Variants in MYO5B observed in about 807,000 individuals in gnomAD.
MYO5B encodes myosin VB, also known as unconventional myosin-Vb.
A neutral mutation model predicts 229.3 loss-of-function variants in MYO5B; 143 were observed. The observed-to-expected ratio is 0.62, with a 90% CI of 0.54 to 0.72. The LOEUF is 0.72. Among genes scored for constraint, MYO5B ranks in the 30% least tolerant of loss-of-function variants. MYO5B has a pLI of 0.00. For synonymous variants in MYO5B, 918 were observed against 885.2 expected (o/e 1.04, Z -0.66); for missense variants, 2,321 against 2,331.0 (o/e 1.00, Z 0.09).
At position 49,823,869 on chromosome 18, in the gene MYO5B, A is replaced by G. The variant is rs1205228919; in HGVS notation, c.*2602T>C. On this transcript the variant is annotated 3_prime_UTR_variant, in exon 40 of 40. Coordinates refer to ENST00000285039, the MANE Select transcript of MYO5B (RefSeq NM_001080467.3). Reference sequence around the variant, plus strand: ...AAAACACAAGTTTTGATCTATAAATATTTGATTCTTAATATTTAAAATGCT... The same window carrying G: ...AAAACACAAGTTTTGATCTATAAATGTTTGATTCTTAATATTTAAAATGCT... 1.3e-5 allele frequency: 2 copies of G among 152,636 alleles called. No individual in the cohort carries two copies. Among genetic ancestry groups the G allele is most frequent in the African/African-American group, 4.8e-5 (2 of 41,452 alleles). 9.5% of individuals were successfully genotyped at this position (152,636 alleles called of 1,614,324 possible).
At chr18:50,185,898 A>G (rs1016461376) in intron 1 of MYO5B, among the ~76,000 whole-genome samples, 1 of 152,226 alleles carries the variant, frequency 6.6e-6, no homozygotes, top group East Asian at 1.9e-4. Flanking sequence ...ATTTAGAGTA[A>G]TAGACATGGC....
In MYO5B at chr18:49,853,487, C is replaced by A; in HGVS notation, c.4183G>T (p.Val1395Phe). 2 of 1,614,188 alleles carry A rather than the reference C, an allele frequency of 1.2e-6. No individual in the cohort carries two copies. The highest frequency in any genetic ancestry group is 1.7e-6 in the Non-Finnish European group (2 of 1,180,040). Residue 1395 changes from valine to phenylalanine, a missense_variant, in exon 31 of 40, where the codon GTT becomes TTT. Val to Phe is a conservative substitution (Grantham distance 50). This residue lies in a region of MYO5B where 2,113 missense variants were observed against 2,044.7 expected (regional missense o/e 1.03). Coordinates refer to ENST00000285039, the MANE Select transcript of MYO5B (RefSeq NM_001080467.3). ...LSPEAQVEFG[V>F]QQEISRLTNE... ...GTCAGCCGGGATATTTCCTGCTGAACGCCGAATTCCACCTGGGCCTCTGGG... is the reference window on the plus strand; with the variant it reads ...GTCAGCCGGGATATTTCCTGCTGAAAGCCGAATTCCACCTGGGCCTCTGGG...
chr18:49,839,196 C>A lies in MYO5B; in HGVS notation c.4800G>T (p.Gln1600His). Reference sequence around the variant, plus strand: ...CAATTTTAATGAGCTGCTGGTAGATCTGAATGGAAAGGTCACTCAGCACCT... The same window carrying A: ...CAATTTTAATGAGCTGCTGGTAGATATGAATGGAAAGGTCACTCAGCACCT... ...YRQVLSDLSI[Q>H]IYQQLIKIAE... Residue 1600 changes from glutamine (Q) to histidine (H), a missense_variant, in exon 36 of 40, where the codon CAG becomes CAT. By Grantham distance (24) the Gln-to-His change is conservative. Around this residue, in one of 2 missense-constraint regions of MYO5B, gnomAD observed 2,113 missense variants for 2,044.7 expected, o/e 1.03. Coordinates refer to ENST00000285039, the MANE Select transcript of MYO5B (RefSeq NM_001080467.3). 1 of 1,614,184 alleles carries A rather than the reference C, an allele frequency of 6.2e-7. No homozygotes were observed. The highest frequency in any genetic ancestry group is 8.5e-7 in the Non-Finnish European group (1 of 1,180,028).
intron 23 of MYO5B, among the ~76,000 whole-genome samples, 199 bp downstream of exon 23, chr18:49,880,172 G>A (rs539822098): frequency 8.5e-5 from 13 of 152,264 alleles, no homozygotes; most frequent in South Asian, 2.1e-4. Context: ...CCCATTATAC[G>A]TGTCTCACCT....
intron 3 of MYO5B, among the ~76,000 whole-genome samples, chr18:50,038,701 G>C (rs374888195): frequency 2.6e-5 from 4 of 152,192 alleles, no homozygotes; most frequent in Non-Finnish European, 5.9e-5. Context: ...ACTCTGAACA[G>C]CTTGAACTGG....
At chr18:50,077,019 G>A (rs1043551882) in intron 1 of MYO5B, among the ~76,000 whole-genome samples, 24 of 151,400 alleles carry the variant, frequency 1.6e-4, no homozygotes, top group Non-Finnish European at 5.9e-5. Context: ...TTTTATGCCT[G>A]CAAAGATGTC....
intron 4 of MYO5B, among the ~76,000 whole-genome samples, chr18:50,034,957 C>T (rs2026432341): frequency 6.6e-6 from 1 of 152,150 alleles, no homozygotes; most frequent in African/African-American, 2.4e-5. Context: ...GCTTTAACAT[C>T]CAAACTCTCT....
At chr18:49,941,365 T>A (rs894162050) in intron 14 of MYO5B, among the ~76,000 whole-genome samples, 1 of 152,194 alleles carries the variant, frequency 6.6e-6, no homozygotes, top group African/African-American at 2.4e-5. Flanking sequence ...GTGGCTACAA[T>A]AGGCTGCTGA....
At chr18:50,047,386 T>C (rs957211510) in intron 2 of MYO5B, among the ~76,000 whole-genome samples, 98 of 152,090 alleles carry the variant, frequency 6.4e-4, no homozygotes, top group Admixed American at 2.8e-3. Context: ...AAAACCACAA[T>C]GAGATACCAT....
intron 14 of MYO5B, among the ~76,000 whole-genome samples, chr18:49,939,905 G>A (rs1447454433): frequency 6.6e-6 from 1 of 152,164 alleles, no homozygotes; most frequent in Non-Finnish European, 1.5e-5. Context: ...ATCATCTCCT[G>A]AGACTTGTAG....
intron 1 of MYO5B, among the ~76,000 whole-genome samples, chr18:50,128,205 A>G (rs1395602569): frequency 6.6e-6 from 1 of 152,208 alleles, no homozygotes; most frequent in Non-Finnish European, 1.5e-5. Flanking sequence ...TTGGTTTGGC[A>G]GAGAGTAAAA....
intron 21 of MYO5B, among the ~76,000 whole-genome samples, chr18:49,900,452 C>G (rs552950936): frequency 6.6e-6 from 1 of 152,330 alleles, no homozygotes; most frequent in Non-Finnish European, 1.5e-5. Flanking sequence ...CCCTGTAGAA[C>G]TAACACAGAG....
chr18:50,061,392 C>T (rs1039908119), intron 1 of MYO5B, among the ~76,000 whole-genome samples: 2 of 152,002 alleles, frequency 1.3e-5, no homozygotes, highest in African/African-American at 2.4e-5. Flanking sequence ...ACAGTTTTGT[C>T]GAGAAATCCT....
chr18:50,057,413 A>G (rs1250014981), intron 1 of MYO5B, among the ~76,000 whole-genome samples: 1 of 152,246 alleles, frequency 6.6e-6, no homozygotes, highest in African/African-American at 2.4e-5. Flanking sequence ...CAGAATGAGG[A>G]ATAACCAGAA....
chr18:49,919,683 A>C (rs1207325964), intron 17 of MYO5B, among the ~76,000 whole-genome samples: 1 of 152,238 alleles, frequency 6.6e-6, no homozygotes, highest in Admixed American at 6.5e-5. Context: ...AATGTTGATG[A>C]GAATGCATAG....
chr18:49,875,571 A>G, intron 26 of MYO5B, 116 bp downstream of exon 26: 1 of 1,427,528 alleles, frequency 7.0e-7, no homozygotes, highest in Non-Finnish European at 9.8e-7. Flanking sequence ...GAGCCCTCTG[A>G]GACTTAGCAG....
chr18:49,859,984 C>T (rs753414915), intron 29 of MYO5B, among the ~76,000 whole-genome samples: 4 of 151,970 alleles, frequency 2.6e-5, no homozygotes, highest in Non-Finnish European at 5.9e-5. Flanking sequence ...TGTGTATTGG[C>T]GGGGGGCGGC....
intron 4 of MYO5B, among the ~76,000 whole-genome samples, chr18:50,028,953 G>A (rs2026360509): frequency 6.6e-6 from 1 of 152,196 alleles, no homozygotes; most frequent in South Asian, 2.1e-4. Flanking sequence ...GGTCATAGAA[G>A]GCAGGCAAAG....
At chr18:50,133,787 G>T (rs543918141) in intron 1 of MYO5B, among the ~76,000 whole-genome samples, 1 of 152,066 alleles carries the variant, frequency 6.6e-6, no homozygotes, top group African/African-American at 2.4e-5. Flanking sequence ...CTGGGACTCC[G>T]CATTCTTCAT....
Sources: gnomAD v4.1 joint callset for allele counts (sites outside exome capture counted in the v4.1 genomes callset) on GRCh38, gnomAD v4.1.1 for gene constraint, gnomAD v4.1.1 regional missense constraint, MANE v1.5 for transcripts, NCBI Gene and HGNC (gene_info 2026-07-23, HGNC 2026-07-21) for gene names.